PAGR1: variants seen among roughly 807,000 people sequenced by gnomAD.
The protein encoded by PAGR1 is PAXIP1 associated glutamate rich protein 1, also known as PAXIP1-associated glutamate-rich protein 1.
PAGR1 carries 20 observed loss-of-function variants against 22.4 expected under a neutral mutation model. That is an observed-to-expected ratio of 0.89 (90% CI 0.63 to 1.30). The LOEUF (loss-of-function observed/expected upper bound fraction) is 1.30, where lower values mean the gene tolerates loss of function less well. Among genes scored for constraint, PAGR1 ranks in the 50% most tolerant of loss-of-function variants. PAGR1 has a pLI of 0.00. For synonymous variants in PAGR1, 161 were observed against 148.3 expected (o/e 1.09, Z -0.62); for missense variants, 338 against 343.6 (o/e 0.98, Z 0.13).
In PAGR1 at chr16:29,816,885, T is replaced by C; in HGVS notation, c.360T>C (p.Ala120=). 3 of 1,563,794 alleles carry C rather than the reference T, an allele frequency of 1.9e-6. No homozygotes were observed. Among genetic ancestry groups the C allele is most frequent in the Non-Finnish European group, 2.6e-6 (3 of 1,156,352 alleles). The part of the protein sequence containing the change: ...SEIQRLYELL[A]AHGTLELQAE... ...TCCAGCGGCTCTATGAACTGCTGGC[T>C]GCCCACGGTACTCTGGAGCTGCAAG... Residue 120 remains alanine (A), a synonymous_variant, in exon 1 of 3, where the codon GCT becomes GCC. Transcript: ENST00000320330.
Position 29,817,231 on chromosome 16 carries a change from T to C in PAGR1, c.504T>C (p.Phe168=), listed in dbSNP as rs1454586308. Residue 168 remains phenylalanine, a synonymous_variant, in exon 2 of 3, where the codon TTT becomes TTC. Coordinates refer to ENST00000320330, the MANE Select transcript of PAGR1 (RefSeq NM_024516.4). ...CCAGACCACACATGCCCACGGAATT[T>C]GATTTTGATGATGAGCCAGTGACAC... is the stretch of plus-strand genomic sequence containing the variant. The part of the protein sequence containing the change: ...EEEKPHMPTE[F]DFDDEPVTPK... The C allele has an allele frequency of 6.2e-7, 1 of 1,614,010 alleles. No individual in the cohort carries two copies. Among genetic ancestry groups the C allele is most frequent in the Admixed American group, 1.7e-5 (1 of 60,008 alleles).
In PAGR1 at chr16:29,816,825, G is replaced by T; in HGVS notation, c.300G>T (p.Ala100=). The change falls in exon 1 of 3, where the codon GCG becomes GCT. Residue 100 remains alanine (A), a synonymous_variant. Coordinates refer to ENST00000320330, the MANE Select transcript of PAGR1 (RefSeq NM_024516.4). ...GCGACGAGGAGGTGGAGCTGCCTGC[G>T]GATGGGCAGCCCTGGATGCCCCCGC... The part of the protein sequence containing the change: ...PCSDEEVELP[A]DGQPWMPPPS... 2.6e-6 allele frequency: 4 copies of T among 1,563,684 alleles called. No individual in the cohort carries two copies. The highest frequency in any genetic ancestry group is 3.5e-6 in the Non-Finnish European group (4 of 1,154,758).
intron 2 of PAGR1, among the ~76,000 whole-genome samples, 168 bp downstream of exon 2, chr16:29,817,460 T>G (rs1447981900): frequency 6.7e-6 from 1 of 150,162 alleles, no homozygotes; most frequent in Non-Finnish European, 1.5e-5. Context: ...GATTACTACC[T>G]TGTCTTCCTT....
In PAGR1 at chr16:29,821,256, T is replaced by C. The variant is rs2150748315; in HGVS notation, c.*1502T>C. 6.6e-6 allele frequency: 1 copy of C among 152,148 alleles called. No homozygotes were observed. The highest frequency in any genetic ancestry group is 1.5e-5 in the Non-Finnish European group (1 of 68,074). 9.4% of individuals were successfully genotyped at this position (152,148 alleles called of 1,614,324 possible). A position where few individuals can be genotyped will look rare whatever the true frequency, so the allele number is the denominator to read the frequency against. Reference sequence around the variant, plus strand: ...GCTCTCTGCCTGGGTAGCCCCTGGGTGATGGGGGAGAGGCCAGCTGTCACG... The same window carrying C: ...GCTCTCTGCCTGGGTAGCCCCTGGGCGATGGGGGAGAGGCCAGCTGTCACG... On this transcript the variant is annotated 3_prime_UTR_variant, in exon 3 of 3. Coordinates refer to ENST00000320330, the MANE Select transcript of PAGR1 (RefSeq NM_024516.4).
At position 29,816,775 on chromosome 16, in the gene PAGR1, T is replaced by TC; in HGVS notation, c.252dup (p.Glu85ArgfsTer33). On this transcript the variant is annotated frameshift_variant, in exon 1 of 3. Transcript: ENST00000320330. LOFTEE classifies it high-confidence loss of function. Reference sequence around the variant, plus strand: ...GGGAGAAGAGCCTGCCGAGGAGGACTCCGAGGACTGGTGCGTGCCCTGCAG... The same window carrying TC: ...GGGAGAAGAGCCTGCCGAGGAGGACTCCCGAGGACTGGTGCGTGCCCTGCAG... 1 of 1,583,258 alleles carries TC rather than the reference T, an allele frequency of 6.3e-7. No homozygotes were observed. Among genetic ancestry groups the TC allele is most frequent in the African/African-American group, 1.3e-5 (1 of 74,390 alleles).
chr16:29,817,279 G>A lies in PAGR1; in HGVS notation c.552G>A (p.Arg184=), dbSNP rs1243431543. Residue 184 remains arginine (R), a synonymous_variant, in exon 2 of 3, where the codon CGG becomes CGA. Transcript: ENST00000320330. The part of the protein sequence containing the change: ...PVTPKDSLID[R]RRTPGSSARS... ...CACCAAAGGACTCCCTGATTGACCG[G>A]AGACGCACCCCAGGTACAAACGAAG... is the stretch of plus-strand genomic sequence containing the variant. 1 of 1,614,032 alleles carries A rather than the reference G, an allele frequency of 6.2e-7. No individual in the cohort carries two copies. The highest frequency in any genetic ancestry group is 1.7e-5 in the Admixed American group (1 of 60,006).
In PAGR1 at chr16:29,816,510, C is replaced by T; in HGVS notation, c.-16C>T. On this transcript the variant is annotated 5_prime_UTR_variant, in exon 1 of 3. Coordinates refer to ENST00000320330, the MANE Select transcript of PAGR1 (RefSeq NM_024516.4). ...CTCCAGTATCTGTCGTCGCAGGGTC[C>T]CTGCCCTAGTGGCCTATGTCCCTTG... 6.7e-7 allele frequency: 1 copy of T among 1,492,070 alleles called. No individual in the cohort carries two copies. The highest frequency in any genetic ancestry group is 1.4e-5 in the South Asian group (1 of 70,220). The allele number at this position is 1,492,070 out of a possible 1,614,324, so 92.4% of individuals were successfully genotyped here. A position where few individuals can be genotyped will look rare whatever the true frequency, so the allele number is the denominator to read the frequency against.
At position 29,821,797 on chromosome 16, in the gene PAGR1, T is replaced by C. The variant is rs2067363566; in HGVS notation, c.*2043T>C. The stretch of plus-strand genomic sequence containing the variant: ...GCACTTAACACTACCTGGCACAGAT[T>C]AAGCTCATCTGAAGTGGGAGCTGTT... On this transcript the variant is annotated 3_prime_UTR_variant, in exon 3 of 3. Coordinates refer to ENST00000320330, the MANE Select transcript of PAGR1 (RefSeq NM_024516.4). Among the ~76,000 whole-genome samples the C allele has an allele frequency of 1.3e-5, 2 of 152,330 alleles. No individual in the cohort carries two copies. The highest frequency in any genetic ancestry group is 4.1e-4 in the South Asian group (2 of 4,830).
Position 29,817,244 on chromosome 16 carries a change from G to A in PAGR1, c.517G>A (p.Glu173Lys). 6.2e-7 allele frequency: 1 copy of A among 1,614,028 alleles called. No homozygotes were observed. Among genetic ancestry groups the A allele is most frequent in the Non-Finnish European group, 8.5e-7 (1 of 1,180,010 alleles). Reference protein sequence around the residue: ...HMPTEFDFDDEPVTPKDSLID... With the variant: ...HMPTEFDFDDKPVTPKDSLID... ...GCCCACGGAATTTGATTTTGATGAT[G>A]AGCCAGTGACACCAAAGGACTCCCT... Residue 173 changes from glutamate (E) to lysine (K), a missense_variant, in exon 2 of 3, where the codon GAG (glutamate) becomes AAG (lysine). Physicochemically the swap from Glu to Lys is moderately conservative, Grantham distance 56 (BLOSUM62 1). This residue lies in a region of PAGR1 where 51 missense variants were observed against 83.1 expected (regional missense o/e 0.61). Coordinates refer to ENST00000320330, the MANE Select transcript of PAGR1 (RefSeq NM_024516.4).
intron 2 of PAGR1, 144 bp downstream of exon 2, chr16:29,817,436 A>G (rs1029976529): frequency 2.1e-5 from 13 of 631,124 alleles, no homozygotes; most frequent in Admixed American, 5.5e-5. Flanking sequence ...CAGTAGCACC[A>G]TCTTTATGAC....
chr16:29,817,187 T>TTAAC lies in PAGR1; in HGVS notation c.483-20_483-17dup, dbSNP rs1443549675. On this transcript the variant is annotated intron_variant, in intron 1 of 2. Coordinates refer to ENST00000320330, the MANE Select transcript of PAGR1 (RefSeq NM_024516.4). ...GTGGGAGGGAGGACCGCCCTCACCCTTAACTATGTTCACCTGTCCCAGACC... is the reference window on the plus strand; with the variant it reads ...GTGGGAGGGAGGACCGCCCTCACCCTTAACTAACTATGTTCACCTGTCCCAGACC... The TTAAC allele has an allele frequency of 1.5e-5, 25 of 1,613,864 alleles. No individual in the cohort carries two copies. In the Admixed American group the frequency reaches 4.2e-4, roughly 27 times the overall value.
chr16:29,817,123 G>A, intron 1 of PAGR1, 87 bp from the exon 2 acceptor site: 4 of 1,596,296 alleles, frequency 2.5e-6, no homozygotes, highest in South Asian at 1.1e-5. Flanking sequence ...GGAAGCCAGC[G>A]GGGGAGGAGG....
At chr16:29,818,874 C>T (rs541756830) in intron 2 of PAGR1, among the ~76,000 whole-genome samples, 2 of 152,240 alleles carry the variant, frequency 1.3e-5, no homozygotes, top group Admixed American at 6.5e-5. Flanking sequence ...AGCCATAAAT[C>T]GTGTCACTTT....
intron 2 of PAGR1, 110 bp downstream of exon 2, chr16:29,817,402 C>A: frequency 2.1e-6 from 2 of 946,846 alleles, no homozygotes; most frequent in Non-Finnish European, 1.7e-6. Context: ...ACACAACTTA[C>A]AGCTGCAGGA....
intron 2 of PAGR1, among the ~76,000 whole-genome samples, chr16:29,819,126 G>T (rs1021295158): frequency 6.6e-6 from 1 of 152,004 alleles, no homozygotes; most frequent in Non-Finnish European, 1.5e-5. Context: ...CTCCCAAGTA[G>T]CTGGGATTAC....
In PAGR1 at chr16:29,816,521, G is replaced by A. The variant is rs762064824; in HGVS notation, c.-5G>A. The A allele has an allele frequency of 3.3e-6, 5 of 1,500,904 alleles. No homozygotes were observed. Among genetic ancestry groups the A allele is most frequent in the Non-Finnish European group, 4.4e-6 (5 of 1,126,262 alleles). 93.0% of individuals were successfully genotyped at this position (1,500,904 alleles called of 1,614,324 possible). A position where few individuals can be genotyped will look rare whatever the true frequency, so the allele number is the denominator to read the frequency against. ...GTCGTCGCAGGGTCCCTGCCCTAGT[G>A]GCCTATGTCCCTTGCTCGGGGCCAT... On this transcript the variant is annotated 5_prime_UTR_variant, in exon 1 of 3. Transcript: ENST00000320330.
rs1407638102 is a variant in PAGR1 at position 29,820,266 on chromosome 16, G to T, written c.*512G>T. On this transcript the variant is annotated 3_prime_UTR_variant, in exon 3 of 3. Transcript: ENST00000320330. ...ATCTCGGGCCCTCCAACTCCTCCCA[G>T]TCCCACTCCAGTGCAGCCAGCTGGC... The T allele has an allele frequency of 6.5e-6, 1 of 152,746 alleles. No homozygotes were observed. The highest frequency in any genetic ancestry group is 1.5e-5 in the Non-Finnish European group (1 of 68,378). The allele number at this position is 152,746 out of a possible 1,614,324, so 9.5% of individuals were successfully genotyped here. A position where few individuals can be genotyped will look rare whatever the true frequency, so the allele number is the denominator to read the frequency against.
At position 29,819,936 on chromosome 16, in the gene PAGR1, C is replaced by T. The variant is rs1900327060; in HGVS notation, c.*182C>T. 2 of 649,802 alleles carry T rather than the reference C, an allele frequency of 3.1e-6. No homozygotes were observed. The highest frequency in any genetic ancestry group is 5.2e-6 in the Non-Finnish European group (2 of 385,784). The allele number at this position is 649,802 out of a possible 1,614,324, so 40.3% of individuals were successfully genotyped here. On this transcript the variant is annotated 3_prime_UTR_variant, in exon 3 of 3. Coordinates refer to ENST00000320330, the MANE Select transcript of PAGR1 (RefSeq NM_024516.4). ...GTGTGTGTGTTTTTTCTATTGAACACCTGTAGAGTGTGTGTGTGTGTTTTC... is the reference window on the plus strand; with the variant it reads ...GTGTGTGTGTTTTTTCTATTGAACATCTGTAGAGTGTGTGTGTGTGTTTTC...
At chr16:29,819,202 C>T (rs772304878) in intron 2 of PAGR1, among the ~76,000 whole-genome samples, 1 of 152,182 alleles carries the variant, frequency 6.6e-6, no homozygotes, top group Non-Finnish European at 1.5e-5. Flanking sequence ...CTCCTGACCT[C>T]GTGAGTTGCC....
Sources: gnomAD v4.1 joint callset for allele counts (sites outside exome capture counted in the v4.1 genomes callset) on GRCh38, gnomAD v4.1.1 for gene constraint, gnomAD v4.1.1 regional missense constraint, MANE v1.5 for transcripts, NCBI Gene and HGNC (gene_info 2026-07-23, HGNC 2026-07-21) for gene names.